Variants in GPHN observed in about 807,000 individuals in gnomAD.
GPHN encodes gephyrin.
GPHN carries 17 observed loss-of-function variants against 95.5 expected under a neutral mutation model. The observed-to-expected ratio is 0.18, with a 90% CI of 0.12 to 0.27. The LOEUF is 0.27. GPHN is among the 10% of genes least tolerant of loss of function. GPHN has a pLI of 1.00. For missense variants in GPHN, 660 were observed against 978.1 expected (o/e 0.67, Z 4.34); for synonymous variants, 320 against 322.5 (o/e 0.99, Z 0.08).
chr14:67,673,749 T>C, the GPHN span, among the ~76,000 whole-genome samples: 3 of 152,202 alleles, frequency 2.0e-5, no homozygotes, highest in African/African-American at 7.2e-5. Flanking sequence ...CTATAGCAGC[T>C]TTTCCTATGG....
the GPHN span, chr14:67,585,959 C>T: frequency 1.2e-6 from 2 of 1,612,228 alleles, no homozygotes; most frequent in Admixed American, 3.3e-5. Flanking sequence ...AGCAAGTGCA[C>T]ATCACTTACC....
At chr14:66,893,472 T>C (rs1160135753) in intron 5 of GPHN, among the ~76,000 whole-genome samples, 1 of 152,162 alleles carries the variant, frequency 6.6e-6, no homozygotes, top group Non-Finnish European at 1.5e-5. Flanking sequence ...ATGCCCTCTC[T>C]CACCACTGCT....
chr14:67,310,457 G>A, the GPHN span, among the ~76,000 whole-genome samples: 6 of 152,168 alleles, frequency 3.9e-5, no homozygotes, highest in Non-Finnish European at 8.8e-5. Context: ...TGGAGGGGAT[G>A]GGATGGGTAG....
downstream of GPHN, among the ~76,000 whole-genome samples, chr14:67,186,789 C>G (rs1012946143): frequency 6.6e-6 from 1 of 152,160 alleles, no homozygotes; most frequent in African/African-American, 2.4e-5. Flanking sequence ...ATTATTGAAC[C>G]TAACAGCCAG....
chr14:67,289,330 C>T, the GPHN span, among the ~76,000 whole-genome samples: 1 of 152,080 alleles, frequency 6.6e-6, no homozygotes, highest in East Asian at 1.9e-4. Context: ...ATTCTCTGAA[C>T]AATACAATAT....
intron 10 of GPHN, among the ~76,000 whole-genome samples, chr14:67,026,289 A>G (rs1004443230): frequency 6.6e-6 from 1 of 152,222 alleles, no homozygotes; most frequent in East Asian, 1.9e-4. Flanking sequence ...ATTAAATAGT[A>G]TAATGCTAGG....
intron 11 of GPHN, among the ~76,000 whole-genome samples, chr14:67,071,351 G>C (rs1158447470): frequency 6.6e-6 from 1 of 152,102 alleles, no homozygotes; most frequent in East Asian, 1.9e-4. Flanking sequence ...AATGAAGCTG[G>C]AAACCATCAT....
In GPHN at chr14:66,989,904, C is replaced by T. The variant is rs116959787; in HGVS notation, c.963+24579C>T. 1.2e-4 allele frequency among the ~76,000 whole-genome samples: 19 copies of T among 152,182 alleles called. No individual in the cohort carries two copies. In the East Asian group the frequency reaches 2.9e-3, roughly 23 times the overall value. On this transcript the variant is annotated intron_variant, in intron 9 of 22. Coordinates refer to ENST00000478722, the MANE Select transcript of GPHN (RefSeq NM_020806.5). ...TTCTAAAATGAAGTAAATTGGCATT[C>T]GGTGATGATTTTGTTTCATGAAAAT... is the stretch of plus-strand genomic sequence containing the variant.
chr14:67,018,913 AT>A (rs2073454547), intron 9 of GPHN, among the ~76,000 whole-genome samples: 2 of 152,236 alleles, frequency 1.3e-5, no homozygotes, highest in African/African-American at 2.4e-5. Flanking sequence ...AAGTCAAGAT[AT>A]TCTGGCCTGC....
chr14:67,164,767 C>T (rs966233295), intron 19 of GPHN, among the ~76,000 whole-genome samples: 1 of 152,116 alleles, frequency 6.6e-6, no homozygotes, highest in Admixed American at 6.5e-5. Context: ...GTTGGGATTA[C>T]AGGTGTGAGC....
chr14:66,801,966 G>T (rs1227143245), intron 3 of GPHN, among the ~76,000 whole-genome samples: 2 of 152,192 alleles, frequency 1.3e-5, no homozygotes, highest in South Asian at 2.1e-4. Flanking sequence ...CCACTTTCTG[G>T]CTACCATCTG....
At position 66,963,485 on chromosome 14, in the gene GPHN, C is replaced by T. The variant is rs564665141; in HGVS notation, c.829-1706C>T. Among the ~76,000 whole-genome samples, 513 of 152,002 alleles carry T rather than the reference C, an allele frequency of 3.4e-3. 7 individuals are homozygous for T. The highest frequency in any genetic ancestry group is 0.012 in the African/African-American group (478 of 41,490). Reference sequence around the variant, plus strand: ...GACAGACATTGATCAAAGTATCACACGTATAAATGTTGTGATACTTTCTGT... The same window carrying T: ...GACAGACATTGATCAAAGTATCACATGTATAAATGTTGTGATACTTTCTGT... On this transcript the variant is annotated intron_variant, in intron 8 of 22. Transcript: ENST00000478722.
chr14:67,095,068 CCCA>C (rs2077298749), intron 12 of GPHN, among the ~76,000 whole-genome samples: 1 of 152,086 alleles, frequency 6.6e-6, no homozygotes, highest in African/African-American at 2.4e-5. Context: ...AGAATATATC[CCCA>C]TTGTTAAGTG....
At chr14:67,673,868 C>G in the GPHN span, among the ~76,000 whole-genome samples, 1 of 152,130 alleles carries the variant, frequency 6.6e-6, no homozygotes, top group East Asian at 1.9e-4. Flanking sequence ...CAAAACAAGA[C>G]CACATCTAAA....
intron 9 of GPHN, among the ~76,000 whole-genome samples, chr14:67,007,910 A>G (rs981166997): frequency 3.3e-5 from 5 of 152,122 alleles, no homozygotes; most frequent in Non-Finnish European, 7.4e-5. Flanking sequence ...GAAGGAAACT[A>G]GACTCGTTTT....
At chr14:67,713,732 G>A in the GPHN span, among the ~76,000 whole-genome samples, 2 of 152,314 alleles carry the variant, frequency 1.3e-5, no homozygotes, top group East Asian at 1.9e-4. Flanking sequence ...AGGTCCTGAC[G>A]ACATGTGTCC....
intron 8 of GPHN, among the ~76,000 whole-genome samples, chr14:66,944,607 C>A (rs1449038834): frequency 1.3e-5 from 2 of 152,152 alleles, no homozygotes; most frequent in Non-Finnish European, 1.5e-5. Context: ...GAAAAACAAA[C>A]CCTCACTTAA....
chr14:67,147,207 A>G lies in GPHN; in HGVS notation c.1836+3758A>G, dbSNP rs751937448. On this transcript the variant is annotated intron_variant, in intron 18 of 22. Transcript: ENST00000478722. ...ACTACATAAAAGTTAGCTAAGCTATATCACCTCAGAAGCCTGTACTCAAGA... is the reference window on the plus strand; with the variant it reads ...ACTACATAAAAGTTAGCTAAGCTATGTCACCTCAGAAGCCTGTACTCAAGA... Among the ~76,000 whole-genome samples, 23 of 152,350 alleles carry G rather than the reference A, an allele frequency of 1.5e-4. 1 individual carries two copies. In the Middle Eastern group the frequency reaches 0.01, roughly 68 times the overall value.
the GPHN span, among the ~76,000 whole-genome samples, chr14:67,400,301 G>A: frequency 6.6e-6 from 1 of 152,208 alleles, no homozygotes; most frequent in South Asian, 2.1e-4. Context: ...TTCCATGAGA[G>A]GGTTCATGCA....
Sources: allele counts gnomAD v4.1 joint callset (sites outside exome capture counted in the v4.1 genomes callset), GRCh38; gene constraint gnomAD v4.1.1; transcripts MANE v1.5; gene names NCBI Gene and HGNC (gene_info 2026-07-23, HGNC 2026-07-21).